The following AKAP8 variants were observed in gnomAD, a reference collection of about 807,000 sequenced individuals.
The protein encoded by AKAP8 is A-kinase anchor protein 8.
AKAP8 carries 24 observed loss-of-function variants against 67.5 expected under a neutral mutation model. The ratio of observed to expected loss-of-function variants is 0.36; its 90% confidence interval spans 0.26 to 0.50. The LOEUF (loss-of-function observed/expected upper bound fraction) is 0.50. AKAP8 is among the 20% of genes least tolerant of loss of function. The pLI, the probability that AKAP8 is intolerant of heterozygous loss-of-function variation, is 0.97. For synonymous variants in AKAP8, 400 were observed against 371.1 expected (o/e 1.08, Z -0.90); for missense variants, 971 against 955.9 (o/e 1.02, Z -0.21).
intron 12 of AKAP8, among the ~76,000 whole-genome samples, chr19:15,359,845 G>A (rs1285622588): frequency 1.3e-5 from 2 of 151,786 alleles, no homozygotes; most frequent in Admixed American, 6.6e-5. Context: ...ATCTTTAACA[G>A]TACTGGGGCT....
At chr19:15,376,886 A>T in intron 2 of AKAP8, 90 bp downstream of exon 2, 9 of 1,484,718 alleles carry the variant, frequency 6.1e-6, no homozygotes, top group Non-Finnish European at 7.4e-6. Flanking sequence ...CTGGGCTACT[A>T]CTCTCCCTTG....
chr19:15,361,661 G>A (rs758617169), intron 11 of AKAP8, 68 bp downstream of exon 11: 185 of 1,456,604 alleles, frequency 1.3e-4, no homozygotes, highest in Non-Finnish European at 1.7e-4. Flanking sequence ...CTCGTGCCAC[G>A]TTTTACGGGT....
intron 9 of AKAP8, among the ~76,000 whole-genome samples, chr19:15,366,504 T>A (rs1967072838): frequency 6.6e-6 from 1 of 152,096 alleles, no homozygotes; most frequent in African/African-American, 2.4e-5. Context: ...ATCCTTGATT[T>A]AAGGTTCACA....
At chr19:15,371,058 T>C (rs1453448530) in intron 7 of AKAP8, among the ~76,000 whole-genome samples, 1 of 152,186 alleles carries the variant, frequency 6.6e-6, no homozygotes, top group Non-Finnish European at 1.5e-5. Flanking sequence ...TTACAGAGAT[T>C]CCTAATCTCA....
At chr19:15,367,268 G>A (rs954146075) in intron 9 of AKAP8, among the ~76,000 whole-genome samples, 5 of 152,076 alleles carry the variant, frequency 3.3e-5, no homozygotes, top group East Asian at 3.9e-4. Context: ...AGTGGCTCAC[G>A]CTTGTAATAC....
intron 13 of AKAP8, among the ~76,000 whole-genome samples, chr19:15,355,741 ATTT>A (rs796116999): frequency 7.0e-6 from 1 of 143,012 alleles, no homozygotes. Context: ...CCATTCTGCA[ATTT>A]TTTTTTTTTT....
chr19:15,357,836 C>T (rs914145762), intron 13 of AKAP8, among the ~76,000 whole-genome samples: 2 of 151,640 alleles, frequency 1.3e-5, no homozygotes, highest in African/African-American at 4.8e-5. Flanking sequence ...CGCATGCCAC[C>T]ACGCCTGGCT....
intron 1 of AKAP8, 29 bp downstream of exon 1, chr19:15,379,684 C>T (rs761682850): frequency 2.5e-6 from 4 of 1,604,918 alleles, no homozygotes; most frequent in Non-Finnish European, 2.5e-6. Context: ...CCTTCCCTCC[C>T]CGCTCCGCAC....
Position 15,369,941 on chromosome 19 carries a change from G to A in AKAP8, c.1072+205C>T, listed in dbSNP as rs765183514. ...CACATCGGGTCAGGCAGACAGACCC[G>A]TTTCCAGTAAATGCTGCCCCAGACA... On this transcript the variant is annotated intron_variant, in intron 8 of 13. Transcript: ENST00000269701. This position sits in a 1 kb window ranked among gnomAD's most constrained non-coding sequence, Gnocchi z 4.6. 7.2e-5 allele frequency among the ~76,000 whole-genome samples: 11 copies of A among 152,146 alleles called. No individual in the cohort carries two copies. The highest frequency in any genetic ancestry group is 2.6e-4 in the Admixed American group (4 of 15,278).
chr19:15,358,668 A>T (rs1966916672), intron 13 of AKAP8, among the ~76,000 whole-genome samples: 2 of 152,116 alleles, frequency 1.3e-5, no homozygotes, highest in African/African-American at 2.4e-5. Flanking sequence ...TTTTCTTAAA[A>T]AATCACCTAA....
In AKAP8 at chr19:15,361,750, G is replaced by T. The variant is rs113475650; in HGVS notation, c.1375C>A (p.Pro459Thr). Residue 459 changes from proline to threonine, a missense_variant, in exon 11 of 14, where the codon CCA (proline) becomes ACA (threonine). Physicochemically the swap from Pro to Thr is conservative, Grantham distance 38. Coordinates refer to ENST00000269701, the MANE Select transcript of AKAP8 (RefSeq NM_005858.4). Reference protein sequence around the residue: ...QELMEKETAKPKPDPFKGIGQ... With the variant: ...QELMEKETAKTKPDPFKGIGQ... ...TCACCTTTGAAAGGATCTGGTTTTGGTTTTGCGGTTTCTTTCTCCATCAAT... is the reference window on the plus strand; with the variant it reads ...TCACCTTTGAAAGGATCTGGTTTTGTTTTTGCGGTTTCTTTCTCCATCAAT... 641 of 1,613,722 alleles carry T rather than the reference G, an allele frequency of 4.0e-4. 5 individuals carry two copies. The African/African-American group carries it at 7.6e-3, about 19-fold the overall frequency.
rs757377246 is a variant in AKAP8 at position 15,373,768 on chromosome 19, G to A, written c.371+18C>T. 3 of 1,598,038 alleles carry A rather than the reference G, an allele frequency of 1.9e-6. No homozygotes were observed. The highest frequency in any genetic ancestry group is 3.4e-5 in the Admixed American group (2 of 59,682). On this transcript the variant is annotated intron_variant, in intron 4 of 13. Coordinates refer to ENST00000269701, the MANE Select transcript of AKAP8 (RefSeq NM_005858.4). Reference sequence around the variant, plus strand: ...GGGATGTGTGGGGTCCCGGGGGAGGGCTTGGGTCCATAATCACCTCTCCCG... The same window carrying A: ...GGGATGTGTGGGGTCCCGGGGGAGGACTTGGGTCCATAATCACCTCTCCCG...
intron 2 of AKAP8, among the ~76,000 whole-genome samples, chr19:15,375,362 G>A (rs994122181): frequency 4.6e-5 from 7 of 152,078 alleles, no homozygotes; most frequent in Non-Finnish European, 7.4e-5. Flanking sequence ...TTCGAATTTC[G>A]GTGCCCATAA....
chr19:15,357,591 C>G (rs1273201060), intron 13 of AKAP8, among the ~76,000 whole-genome samples: 1 of 150,940 alleles, frequency 6.6e-6, no homozygotes, highest in Non-Finnish European at 1.5e-5. Flanking sequence ...ACCAAGAGAA[C>G]AAGACCCTGA....
chr19:15,379,454 G>GC (rs1967330504), intron 1 of AKAP8: 1 of 456,994 alleles, frequency 2.2e-6, no homozygotes, highest in African/African-American at 2.1e-5. Flanking sequence ...CCCCCACGAA[G>GC]CCCACCGCGG....
At chr19:15,358,812 T>C (rs1246680642) in intron 13 of AKAP8, among the ~76,000 whole-genome samples, 155 bp downstream of exon 13, 16 of 152,150 alleles carry the variant, frequency 1.1e-4, no homozygotes, top group Admixed American at 1.0e-3. Flanking sequence ...GAAATCCCAG[T>C]TGTCATGTTC....
Position 15,373,047 on chromosome 19 carries a change from G to A in AKAP8, c.665C>T (p.Thr222Met), listed in dbSNP as rs759524859. 58 of 1,602,516 alleles carry A rather than the reference G, an allele frequency of 3.6e-5. 1 individual carries two copies. Among genetic ancestry groups the A allele is most frequent in the South Asian group, 4.4e-5 (4 of 90,198 alleles). ...PPAASSEPLS[T>M]PWNELNYVGG... ...CACGTAGTTCAGCTCGTTCCAGGGC[G>A]TGGACAGGGGCTCAGAGGACGCAGC... The change falls in exon 5 of 14, where the codon ACG (threonine) becomes ATG (methionine). Residue 222 changes from threonine (T) to methionine (M), a missense_variant. By Grantham distance (81) the Thr-to-Met change is moderately conservative. Around this residue, in one of 3 missense-constraint regions of AKAP8, gnomAD observed 763 missense variants for 745.4 expected, o/e 1.02. Transcript: ENST00000269701.
Position 15,355,167 on chromosome 19 carries a change from G to A in AKAP8, c.1827C>T (p.Pro609=). The part of the protein sequence containing the change: ...SSGEPAEDEG[P]TDTAEAGSDP... ...CACTACCGGCCTCCGCTGTGTCCGT[G>A]GGGCCTTCGTCCTCAGCCGGCTCCC... The change falls in exon 14 of 14, where the codon CCC becomes CCT. Residue 609 remains proline, a synonymous_variant. Coordinates refer to ENST00000269701, the MANE Select transcript of AKAP8 (RefSeq NM_005858.4). 2 of 1,612,604 alleles carry A rather than the reference G, an allele frequency of 1.2e-6. No homozygotes were observed. The highest frequency in any genetic ancestry group is 2.2e-5 in the East Asian group (1 of 44,874).
At position 15,354,400 on chromosome 19, in the gene AKAP8, A is replaced by T. The variant is rs66537228; in HGVS notation, c.*515T>A. The T allele has an allele frequency of 0.035, 5,545 of 160,492 alleles. 143 individuals carry two copies. Among genetic ancestry groups the T allele is most frequent in the Non-Finnish European group, 0.053 (3,859 of 72,142 alleles). 9.9% of individuals were successfully genotyped at this position (160,492 alleles called of 1,614,324 possible). On this transcript the variant is annotated 3_prime_UTR_variant, in exon 14 of 14. Transcript: ENST00000269701. ...GTGGATGTGACGCGGTCAGTGCCAC[A>T]TGTGAACCAGGTGCTGCGAAGTCCT...
Sources: allele counts gnomAD v4.1 joint callset (sites outside exome capture counted in the v4.1 genomes callset), GRCh38; gene constraint gnomAD v4.1.1; regional missense constraint gnomAD v4.1.1; non-coding constraint Gnocchi (gnomAD v3.1); transcripts MANE v1.5; gene names NCBI Gene and HGNC (gene_info 2026-07-23, HGNC 2026-07-21).